The following DDX6 variants were observed in gnomAD, a reference collection of about 807,000 sequenced individuals.
The protein encoded by DDX6 is probable ATP-dependent RNA helicase DDX6.
In DDX6, 7 loss-of-function variants were observed where a neutral mutation model predicts 60.6. That is an observed-to-expected ratio of 0.12 (90% confidence interval 0.07 to 0.22). The LOEUF (loss-of-function observed/expected upper bound fraction) is 0.22. Ranked by LOEUF, DDX6 falls within the 10% of genes least tolerant of loss-of-function variation. DDX6 has a pLI of 1.00. For synonymous variants in DDX6, 207 were observed against 201.0 expected, an observed-to-expected ratio of 1.03 and a Z score of -0.25; for missense variants, 270 against 589.9, an observed-to-expected ratio of 0.46 and a Z score of 5.62.
At chr11:118,785,075 G>GC (rs1335435529) in intron 2 of DDX6, among the ~76,000 whole-genome samples, 1 of 152,074 alleles carries the variant, frequency 6.6e-6, no homozygotes, top group Non-Finnish European at 1.5e-5. Flanking sequence ...GACCTATATG[G>GC]CAAGTTCTTA....
chr11:118,782,205 C>G (rs1861922519), intron 2 of DDX6, among the ~76,000 whole-genome samples: 1 of 152,126 alleles, frequency 6.6e-6, no homozygotes, highest in South Asian at 2.1e-4. Flanking sequence ...AATAGGTTAA[C>G]AGTTACATCA....
At chr11:118,782,645 C>CTTTTT (rs35854068) in intron 2 of DDX6, among the ~76,000 whole-genome samples, 2 of 143,690 alleles carry the variant, frequency 1.4e-5, no homozygotes, top group African/African-American at 2.6e-5. Context: ...GTACTAAAGC[C>CTTTTT]TTTTTTTTTT....
intron 2 of DDX6, among the ~76,000 whole-genome samples, chr11:118,783,005 A>T (rs1307315225): frequency 6.6e-6 from 1 of 152,246 alleles, no homozygotes; most frequent in African/African-American, 2.4e-5. Flanking sequence ...ATTCAACAAA[A>T]TAGTGAATAA....
chr11:118,785,751 A>G (rs1231409104), intron 2 of DDX6: 1 of 229,892 alleles, frequency 4.3e-6, no homozygotes, highest in East Asian at 9.1e-5. Context: ...AATTTTATTC[A>G]TTTACAACAA....
In DDX6 at chr11:118,752,088, T is replaced by C. The variant is rs1860794392; in HGVS notation, c.*17A>G. 8.6e-6 allele frequency: 2 copies of C among 231,718 alleles called. No individual in the cohort carries two copies. The highest frequency in any genetic ancestry group is 5.9e-5 in the Admixed American group (1 of 16,848). The allele number at this position is 231,718 out of a possible 1,614,324, so 14.4% of individuals were successfully genotyped here. The stretch of plus-strand genomic sequence containing the variant: ...CAGATCCAAACGAGCCTTTTGTAAT[T>C]TGTCAAAGCCTACAGAAGAAGAGAA... On this transcript the variant is annotated 3_prime_UTR_variant, in exon 14 of 14. Coordinates refer to ENST00000534980, the MANE Select transcript of DDX6 (RefSeq NM_004397.6).
At chr11:118,786,556 C>T (rs936130113) in intron 1 of DDX6, 38 bp from the exon 2 acceptor site, 1 of 245,410 alleles carries the variant, frequency 4.1e-6, no homozygotes, top group Admixed American at 5.4e-5. Context: ...GCAAACACAA[C>T]AGAAAAACTT....
rs782691792 is a variant in DDX6, at chr11:118,759,928, C to T, written c.858G>A (p.Lys286=). 32 of 1,613,312 alleles carry T rather than the reference C, an allele frequency of 2.0e-5. No homozygotes were observed. In the East Asian group the frequency reaches 7.1e-4, roughly 36 times the overall value. ...YSATFPLSVQ[K]FMNSHLQKPY... ...AGTACAGATTTATACTCACCATGAA[C>T]TTCTGTACACTAAGAGGGAAAGTAG... Residue 286 remains lysine, a synonymous_variant, in exon 8 of 14, where the codon AAG becomes AAA. Coordinates refer to ENST00000534980, the MANE Select transcript of DDX6 (RefSeq NM_004397.6).
At chr11:118,780,999 G>A (rs1467963159) in intron 3 of DDX6, 122 bp downstream of exon 3, 2 of 628,900 alleles carry the variant, frequency 3.2e-6, no homozygotes, top group South Asian at 2.0e-5. Flanking sequence ...TACTGGGTTG[G>A]AGGAGGAGGG....
At chr11:118,757,054 C>G (rs1591886365) in intron 10 of DDX6, 117 bp downstream of exon 10, 2 of 523,060 alleles carry the variant, frequency 3.8e-6, no homozygotes, top group African/African-American at 4.0e-5. Context: ...AATGAAAGGT[C>G]CTTTGGCTAC....
At position 118,786,211 on chromosome 11, in the gene DDX6, A is replaced by C; in HGVS notation, c.41T>G (p.Leu14Arg). 1 of 1,613,798 alleles carries C rather than the reference A, an allele frequency of 6.2e-7. No homozygotes were observed. The highest frequency in any genetic ancestry group is 8.5e-7 in the Non-Finnish European group (1 of 1,179,816). Residue 14 changes from leucine to arginine, a missense_variant, in exon 2 of 14, where the codon CTG becomes CGG. Around this residue, in one of 8 missense-constraint regions of DDX6, gnomAD observed 102 missense variants for 110.5 expected, o/e 0.92. Transcript: ENST00000534980. ...TCTCAGCTGACCATTTTGACTGGAC[A>C]GACCCATTATAACAGGGTTCTCTGT... is the stretch of plus-strand genomic sequence containing the variant. The part of the protein sequence containing the change: ...ARTENPVIMG[L>R]SSQNGQLRGP...
intron 7 of DDX6, among the ~76,000 whole-genome samples, chr11:118,761,138 C>T (rs1203612347): frequency 6.6e-6 from 1 of 151,494 alleles, no homozygotes; most frequent in Non-Finnish European, 1.5e-5. Context: ...AAGACTCTGT[C>T]TCAAAAAAAA....
At chr11:118,782,794 G>T (rs10892290) in intron 2 of DDX6, among the ~76,000 whole-genome samples, 25,961 of 151,952 alleles carry the variant, frequency 0.17, 2,428 homozygotes, top group South Asian at 0.29. Context: ...ACAGGAGCTT[G>T]CCACTACACC....
chr11:118,765,467 G>GC (rs1335987013), intron 5 of DDX6, 112 bp from the exon 6 acceptor site: 1 of 1,124,978 alleles, frequency 8.9e-7, no homozygotes, highest in Non-Finnish European at 1.3e-6. Context: ...GCCTTATGAT[G>GC]CAGTGGCTCA....
chr11:118,752,620 AAG>A (rs1555157704), intron 13 of DDX6, among the ~76,000 whole-genome samples: 2 of 152,284 alleles, frequency 1.3e-5, no homozygotes, highest in East Asian at 1.9e-4. Flanking sequence ...TTAAAAAAGA[AAG>A]AGAAAAAAAA....
intron 9 of DDX6, 141 bp downstream of exon 9, chr11:118,758,633 G>A (rs998149119): frequency 8.6e-6 from 8 of 931,814 alleles, no homozygotes; most frequent in Non-Finnish European, 1.2e-5. Flanking sequence ...AGCCTCCAAA[G>A]TGCTGGGAGG....
chr11:118,749,685 TTTC>T lies in DDX6; in HGVS notation c.*2417_*2419del, dbSNP rs1860687445. The T allele has an allele frequency of 6.6e-6, 1 of 152,638 alleles. No individual in the cohort carries two copies. Among genetic ancestry groups the T allele is most frequent in the African/African-American group, 2.4e-5 (1 of 41,452 alleles). 9.5% of individuals were successfully genotyped at this position (152,638 alleles called of 1,614,324 possible). On this transcript the variant is annotated 3_prime_UTR_variant, in exon 14 of 14. Coordinates refer to ENST00000534980, the MANE Select transcript of DDX6 (RefSeq NM_004397.6). Reference sequence around the variant, plus strand: ...AGATACAGAATTGCATTTATACTCTTTTCTTCTACATGAATGATCCCTCTTATC... The same window carrying T: ...AGATACAGAATTGCATTTATACTCTTTTCTACATGAATGATCCCTCTTATC...
At chr11:118,779,180 A>T (rs544406979) in intron 4 of DDX6, among the ~76,000 whole-genome samples, 10 of 139,464 alleles carry the variant, frequency 7.2e-5, no homozygotes, top group South Asian at 4.7e-4. Flanking sequence ...AAAAAGAGGG[A>T]TGGGGGAAGG....
chr11:118,759,638 T>C (rs1555159736), intron 8 of DDX6, among the ~76,000 whole-genome samples: 1 of 152,206 alleles, frequency 6.6e-6, no homozygotes, highest in African/African-American at 2.4e-5. Flanking sequence ...GTTTTGTATA[T>C]AGAATAATAC....
At chr11:118,775,175 T>C (rs1319118441) in intron 4 of DDX6, among the ~76,000 whole-genome samples, 1 of 151,902 alleles carries the variant, frequency 6.6e-6, no homozygotes, top group Non-Finnish European at 1.5e-5. Context: ...ATCAGCCGGG[T>C]ATGCTGGTGC....
Sources: allele counts gnomAD v4.1 joint callset (sites outside exome capture counted in the v4.1 genomes callset), GRCh38; gene constraint gnomAD v4.1.1; regional missense constraint gnomAD v4.1.1; transcripts MANE v1.5; gene names NCBI Gene and HGNC (gene_info 2026-07-23, HGNC 2026-07-21).